The following VPS13B variants were observed in gnomAD, a reference collection of about 807,000 sequenced individuals.
VPS13B encodes vacuolar protein sorting 13 homolog B, also known as intermembrane lipid transfer protein VPS13B.
In VPS13B, 285 loss-of-function variants were observed where a neutral mutation model predicts 426.4. That is an observed-to-expected ratio of 0.67 (90% CI 0.61 to 0.74). The LOEUF (loss-of-function observed/expected upper bound fraction) is 0.74, where lower values mean the gene tolerates loss of function less well. Ranked by LOEUF, VPS13B falls within the 30% of genes least tolerant of loss-of-function variation. VPS13B has a pLI of 0.00. For synonymous variants in VPS13B, 1,676 were observed against 1,676.4 expected (o/e 1.00, Z 0.01); for missense variants, 4,537 against 4,782.6 (o/e 0.95, Z 1.51).
At chr8:99,756,800 G>T (rs1810663448) in intron 39 of VPS13B, among the ~76,000 whole-genome samples, 1 of 152,162 alleles carries the variant, frequency 6.6e-6, no homozygotes, top group Non-Finnish European at 1.5e-5. Context: ...TGCTTCCTAA[G>T]AACCCACTTT....
chr8:99,775,163 G>A lies in VPS13B; in HGVS notation c.7248-1612G>A, dbSNP rs544813906. On this transcript the variant is annotated intron_variant, in intron 40 of 61. Transcript: ENST00000357162. ...CAGCACTTCCCACTTTCCTATTCCT[G>A]GGGGGTCGTTCTGTTTGGTAATTTT... Among the ~76,000 whole-genome samples, 18 of 152,186 alleles carry A rather than the reference G, an allele frequency of 1.2e-4. No homozygotes were observed. The South Asian group carries it at 3.7e-3, about 32-fold the overall frequency.
chr8:99,841,095 G>T (rs780531679), intron 54 of VPS13B, among the ~76,000 whole-genome samples: 1 of 152,132 alleles, frequency 6.6e-6, no homozygotes, highest in Non-Finnish European at 1.5e-5. Flanking sequence ...TCCCTAAGAT[G>T]TTTTTCAAGA....
At chr8:99,035,320 C>T (rs1842693855) in intron 2 of VPS13B, among the ~76,000 whole-genome samples, 1 of 152,166 alleles carries the variant, frequency 6.6e-6, no homozygotes, top group Non-Finnish European at 1.5e-5. Context: ...GAACCAATGA[C>T]TCCCTTTTTA....
intron 19 of VPS13B, among the ~76,000 whole-genome samples, chr8:99,277,684 A>T (rs1459820624): frequency 6.6e-6 from 1 of 152,126 alleles, no homozygotes; most frequent in African/African-American, 2.4e-5. Context: ...TTATTTTTCT[A>T]CACTCCTTTA....
At chr8:99,654,198 G>A (rs367918426) in intron 34 of VPS13B, among the ~76,000 whole-genome samples, 2 of 152,040 alleles carry the variant, frequency 1.3e-5, no homozygotes, top group South Asian at 2.1e-4. Context: ...ATAGGCGCCC[G>A]CCACCACGCC....
At chr8:99,527,288 G>A (rs1293110209) in intron 30 of VPS13B, among the ~76,000 whole-genome samples, 2 of 151,800 alleles carry the variant, frequency 1.3e-5, no homozygotes, top group Admixed American at 1.3e-4. Flanking sequence ...CACCTTATAT[G>A]AATTTGTACT....
chr8:99,628,809 G>C (rs773676798), intron 33 of VPS13B, among the ~76,000 whole-genome samples: 1 of 151,400 alleles, frequency 6.6e-6, no homozygotes, highest in Non-Finnish European at 1.5e-5. Context: ...ACAGGATCTC[G>C]CTTTGTCACC....
chr8:99,797,723 A>G (rs552585829), intron 43 of VPS13B, among the ~76,000 whole-genome samples: 9 of 152,304 alleles, frequency 5.9e-5, no homozygotes, highest in East Asian at 1.9e-4. Flanking sequence ...ATATACTTCA[A>G]ATTGGCCACA....
chr8:99,014,692 C>CAAAAAAAAAAAAAAAAAAAAAAAA (rs574786628), intron 2 of VPS13B, among the ~76,000 whole-genome samples: 1 of 61,234 alleles, frequency 1.6e-5, no homozygotes, highest in Non-Finnish European at 4.0e-5. Flanking sequence ...GAAAAAAAGA[C>CAAAAAAAAAAAAAAAAAAAAAAAA]AAAAAAAAAA....
At position 99,467,607 on chromosome 8, in the gene VPS13B, A is replaced by G; in HGVS notation, c.3639A>G (p.Ser1213=). ...FVVCLHVDLE[S]LEIKCSNPQV... is the part of the protein sequence containing the mutation. ...TCTGTCTCCATGTTGACCTAGAGTC[A>G]CTAGAGATAAAATGCTCTAATCCCC... The change falls in exon 24 of 62, where the codon TCA becomes TCG. Residue 1213 remains serine (S), a synonymous_variant. Coordinates refer to ENST00000357162, the MANE Select transcript of VPS13B (RefSeq NM_152564.5). 1.2e-6 allele frequency: 2 copies of G among 1,611,802 alleles called. No individual in the cohort carries two copies. Among genetic ancestry groups the G allele is most frequent in the Non-Finnish European group, 8.5e-7 (1 of 1,179,754 alleles).
intron 3 of VPS13B, among the ~76,000 whole-genome samples, chr8:99,071,849 A>G (rs1173971005): frequency 4.6e-5 from 7 of 152,168 alleles, no homozygotes; most frequent in Admixed American, 2.6e-4. Flanking sequence ...CATTGTGGCC[A>G]TCATCACCCC....
In VPS13B at chr8:99,861,683, G is replaced by C. The variant is rs1816841046; in HGVS notation, c.11045-93G>C. Reference sequence around the variant, plus strand: ...CTTGCCACTGGGCATGTCCAGGAGGGGCCACAGGTGCTCCCGCTGCCTCTG... The same window carrying C: ...CTTGCCACTGGGCATGTCCAGGAGGCGCCACAGGTGCTCCCGCTGCCTCTG... On this transcript the variant is annotated intron_variant, in intron 57 of 61. Coordinates refer to ENST00000357162, the MANE Select transcript of VPS13B (RefSeq NM_152564.5). 4 of 1,501,166 alleles carry C rather than the reference G, an allele frequency of 2.7e-6. No homozygotes were observed. The Admixed American group carries it at 7.9e-5, about 29-fold the overall frequency. The allele number at this position is 1,501,166 out of a possible 1,614,324, so 93.0% of individuals were successfully genotyped here. A position where few individuals can be genotyped will look rare whatever the true frequency, so the allele number is the denominator to read the frequency against.
At chr8:99,590,648 G>C (rs921604873) in intron 33 of VPS13B, among the ~76,000 whole-genome samples, 1 of 152,172 alleles carries the variant, frequency 6.6e-6, no homozygotes, top group Non-Finnish European at 1.5e-5. Flanking sequence ...CTGTGGTTTT[G>C]AGTGAGTTTC....
At chr8:99,146,487 T>C (rs974858464) in intron 13 of VPS13B, among the ~76,000 whole-genome samples, 17 of 152,202 alleles carry the variant, frequency 1.1e-4, no homozygotes, top group African/African-American at 4.1e-4. Flanking sequence ...CATTTTGGTT[T>C]TGAGGGAACA....
rs1427188692 is a variant in VPS13B at position 99,184,533 on chromosome 8, G to A, written c.2334-8343G>A. Among the ~76,000 whole-genome samples, 6 of 151,958 alleles carry A rather than the reference G, an allele frequency of 3.9e-5. No individual in the cohort carries two copies. In the East Asian group the frequency reaches 1.2e-3, roughly 29 times the overall value. On this transcript the variant is annotated intron_variant, in intron 16 of 61. Coordinates refer to ENST00000357162, the MANE Select transcript of VPS13B (RefSeq NM_152564.5). ...ACATTTATTACACTTTTATTTTAGT[G>A]GTAGGCAGCTTTTCTTATATTTTCC...
rs1269476999 is a variant in VPS13B at position 99,849,028 on chromosome 8, AT to A, written c.10061+135del. ...TTAATTATCATGTAATCCATAAAAAATATGGTTATTAGCACTAAATCATCCC... is the reference window on the plus strand; with the variant it reads ...TTAATTATCATGTAATCCATAAAAAAATGGTTATTAGCACTAAATCATCCC... On this transcript the variant is annotated intron_variant, in intron 55 of 61. Transcript: ENST00000357162. 23 of 871,724 alleles carry A rather than the reference AT, an allele frequency of 2.6e-5. No individual in the cohort carries two copies. The Admixed American group carries it at 4.4e-4, about 17-fold the overall frequency. The allele number at this position is 871,724 out of a possible 1,614,324, so 54.0% of individuals were successfully genotyped here. A position where few individuals can be genotyped will look rare whatever the true frequency, so the allele number is the denominator to read the frequency against.
At chr8:99,406,224 T>G (rs958107703) in intron 21 of VPS13B, among the ~76,000 whole-genome samples, 9 of 141,104 alleles carry the variant, frequency 6.4e-5, no homozygotes, top group East Asian at 2.0e-4. Flanking sequence ...CCTGTTCTTG[T>G]TTTTTTTTTT....
At chr8:99,862,068 G>A in intron 58 of VPS13B, 122 bp downstream of exon 58, 1 of 1,234,206 alleles carries the variant, frequency 8.1e-7, no homozygotes, top group Non-Finnish European at 1.1e-6. Context: ...GAGAAGGTAA[G>A]GCACTTGCTC....
chr8:99,217,991 A>G (rs1815480781), intron 17 of VPS13B, among the ~76,000 whole-genome samples: 1 of 152,212 alleles, frequency 6.6e-6, no homozygotes, highest in South Asian at 2.1e-4. Flanking sequence ...CTGGACCACA[A>G]TTAAATTAGA....
Sources: allele counts gnomAD v4.1 joint callset (sites outside exome capture counted in the v4.1 genomes callset), GRCh38; gene constraint gnomAD v4.1.1; transcripts MANE v1.5; gene names NCBI Gene and HGNC (gene_info 2026-07-23, HGNC 2026-07-21).